KDM6A: variants seen among roughly 807,000 people sequenced by gnomAD.
The protein encoded by KDM6A is lysine demethylase 6A.
Under a neutral mutation model 117.6 loss-of-function variants are expected in KDM6A, and 11 were observed. The ratio of observed to expected loss-of-function variants is 0.09; its 90% confidence interval spans 0.06 to 0.15. KDM6A has a LOEUF of 0.15. Ranked by LOEUF, KDM6A falls within the 10% of genes least tolerant of loss-of-function variation. KDM6A has a pLI of 1.00. For missense variants in KDM6A, 799 were observed against 1,077.3 expected (o/e 0.74, Z 3.62); for synonymous variants, 384 against 396.1 (o/e 0.97, Z 0.36).
chrX:45,063,917 G>T, intron 17 of KDM6A, 100 bp downstream of exon 17: 1 of 835,908 alleles, frequency 1.2e-6, no homozygotes, highest in Non-Finnish European at 1.7e-6. Context: ...TGGGGAACTG[G>T]TTTTATAAGA....
intron 4 of KDM6A, among the ~76,000 whole-genome samples, chrX:44,993,692 C>A (rs1047835679): frequency 3.6e-5 from 4 of 111,242 alleles, no homozygotes; most frequent in Admixed American, 9.6e-5. Context: ...ATGGTGAAAC[C>A]CCGTCTCTAC....
chrX:44,934,738 A>G (rs1004673310), intron 2 of KDM6A, among the ~76,000 whole-genome samples: 1 of 111,371 alleles, frequency 9.0e-6, no homozygotes, highest in African/African-American at 3.3e-5. Context: ...ATGAATGAGA[A>G]TTAGAGAGAA....
At chrX:44,894,803 C>T (rs187740473) in intron 2 of KDM6A, among the ~76,000 whole-genome samples, 3 of 91,570 alleles carry the variant, frequency 3.3e-5, no homozygotes, top group Non-Finnish European at 6.4e-5. Flanking sequence ...TTAGTTGAGA[C>T]GGGGCTCAGG....
At chrX:44,877,062 C>T (rs2031715219) in intron 2 of KDM6A, among the ~76,000 whole-genome samples, 1 of 110,482 alleles carries the variant, frequency 9.1e-6, no homozygotes, top group Non-Finnish European at 1.9e-5. Context: ...TATGCGTATA[C>T]ACATATATGT....
chrX:44,911,413 C>T (rs1424492765), intron 2 of KDM6A, among the ~76,000 whole-genome samples: 1 of 110,016 alleles, frequency 9.1e-6, no homozygotes, highest in Admixed American at 9.5e-5. Context: ...CAGAGGCGCT[C>T]CTCACATCCC....
chrX:44,880,452 CTTTT>C (rs750171607), intron 2 of KDM6A, among the ~76,000 whole-genome samples: 3 of 91,996 alleles, frequency 3.3e-5, no homozygotes, highest in African/African-American at 3.9e-5. Context: ...TTCTGTACTG[CTTTT>C]TTTTTTTTTT....
chrX:44,912,317 G>A (rs986917550), intron 2 of KDM6A, among the ~76,000 whole-genome samples: 1 of 110,527 alleles, frequency 9.0e-6, no homozygotes, highest in South Asian at 3.9e-4. Flanking sequence ...TCGAACTCTC[G>A]ACCTCAGGTG....
chrX:45,109,172 A>ATAAG (rs1335396175), intron 28 of KDM6A, among the ~76,000 whole-genome samples: 1 of 103,176 alleles, frequency 9.7e-6, no homozygotes, highest in East Asian at 3.4e-4. Flanking sequence ...AAATAAATAA[A>ATAAG]GTACCTGTAA....
chrX:45,040,450 ACC>A (rs1193126563), intron 8 of KDM6A, among the ~76,000 whole-genome samples: 4 of 38,501 alleles, frequency 1.0e-4, no homozygotes, highest in Admixed American at 3.0e-4. Flanking sequence ...CGGGGGGCTG[ACC>A]CCCCCCACCT....
chrX:45,026,531 A>G (rs1392175826), intron 6 of KDM6A, among the ~76,000 whole-genome samples: 1 of 110,986 alleles, frequency 9.0e-6, no homozygotes, highest in African/African-American at 3.3e-5. Context: ...TGTTTCATAT[A>G]ATTAAAATAT....
intron 2 of KDM6A, among the ~76,000 whole-genome samples, chrX:44,882,204 A>G (rs1036458807): frequency 8.9e-6 from 1 of 111,925 alleles, no homozygotes; most frequent in Admixed American, 9.6e-5. Context: ...AAAAAAGTTT[A>G]TTAGGAAAAA....
intron 2 of KDM6A, among the ~76,000 whole-genome samples, chrX:44,902,556 A>C (rs1381102010): frequency 2.7e-5 from 3 of 109,995 alleles, no homozygotes; most frequent in Admixed American, 1.9e-4. Flanking sequence ...CACCTGGTTA[A>C]TTTTTGTATT....
At chrX:45,032,885 C>G (rs191426431) in intron 6 of KDM6A, among the ~76,000 whole-genome samples, 132 of 112,366 alleles carry the variant, frequency 1.2e-3, no homozygotes, top group African/African-American at 4.2e-3. Context: ...TATAATTACA[C>G]AAAACATGGT....
intron 3 of KDM6A, among the ~76,000 whole-genome samples, chrX:44,973,503 C>T (rs368200804): frequency 3.6e-5 from 4 of 111,552 alleles, no homozygotes; most frequent in African/African-American, 9.8e-5. Flanking sequence ...CCTAATAGAT[C>T]GCTTGACTGG....
intron 2 of KDM6A, among the ~76,000 whole-genome samples, chrX:44,917,244 C>T (rs929703819): frequency 9.1e-6 from 1 of 110,463 alleles, no homozygotes; most frequent in Non-Finnish European, 1.9e-5. Flanking sequence ...CCAGGCTGGT[C>T]TCGAACTCTT....
At chrX:45,090,934 C>G in intron 27 of KDM6A, 70 bp downstream of exon 27, 4 of 1,088,195 alleles carry the variant, frequency 3.7e-6, no homozygotes, top group Non-Finnish European at 5.1e-6. Flanking sequence ...TTTTTTTTCT[C>G]CCTTAGAATT....
intron 4 of KDM6A, among the ~76,000 whole-genome samples, chrX:44,993,449 G>A (rs146225105): frequency 0.022 from 2,373 of 109,847 alleles, 57 homozygotes; most frequent in African/African-American, 0.075. Flanking sequence ...GGCTCAAGTG[G>A]TCTGCCCACT....
chrX:44,884,222 TAACTG>T (rs1200641674), intron 2 of KDM6A, among the ~76,000 whole-genome samples: 1 of 109,219 alleles, frequency 9.2e-6, no homozygotes, highest in African/African-American at 3.3e-5. Flanking sequence ...TGGGAAAAGA[TAACTG>T]AACATGTGAG....
At chrX:44,960,385 C>G (rs1367306923) in intron 2 of KDM6A, among the ~76,000 whole-genome samples, 2 of 111,584 alleles carry the variant, frequency 1.8e-5, no homozygotes, top group Non-Finnish European at 3.8e-5. Context: ...AGAATTAGAG[C>G]TTTGTTATTA....
Sources: gnomAD v4.1 joint callset for allele counts (sites outside exome capture counted in the v4.1 genomes callset) on GRCh38, gnomAD v4.1.1 for gene constraint, MANE v1.5 for transcripts, NCBI Gene and HGNC (gene_info 2026-07-23, HGNC 2026-07-21) for gene names.